PDE8B: variants seen among roughly 807,000 people sequenced by gnomAD.
PDE8B encodes the protein phosphodiesterase 8B, also known as high affinity cAMP-specific and IBMX-insensitive 3',5'-cyclic phosphodiesterase 8B.
In PDE8B, 26 loss-of-function variants were observed where a neutral mutation model predicts 101.3. The ratio of observed to expected loss-of-function variants is 0.26; its 90% CI spans 0.19 to 0.36. The LOEUF (loss-of-function observed/expected upper bound fraction) is 0.36. PDE8B is among the 10% of genes least tolerant of loss of function. The probability of loss-of-function intolerance (pLI) is 1.00; values close to 1 mark genes in which losing one functional copy is unlikely to be tolerated. For missense variants in PDE8B, 810 were observed against 1,163.1 expected (o/e 0.70, Z 4.42); for synonymous variants, 424 against 429.3 (o/e 0.99, Z 0.15).
intron 10 of PDE8B, among the ~76,000 whole-genome samples, chr5:77,365,644 C>G (rs1025414563): frequency 2.0e-5 from 3 of 152,198 alleles, no homozygotes; most frequent in Non-Finnish European, 2.9e-5. Flanking sequence ...TTCTGAGAGA[C>G]AGGGGCCTGT....
At chr5:77,299,412 T>C (rs995804639) in intron 1 of PDE8B, among the ~76,000 whole-genome samples, 29 of 127,406 alleles carry the variant, frequency 2.3e-4, no homozygotes, top group Non-Finnish European at 2.0e-4. Flanking sequence ...CCTAATGCTA[T>C]CCCTCCCCCC....
Position 77,400,230 on chromosome 5 carries a change from AC to A in PDE8B, c.1168-17del, listed in dbSNP as rs761675058. On this transcript the variant is annotated splice_polypyrimidine_tract_variant and intron_variant, in intron 10 of 21. Coordinates refer to ENST00000264917, the MANE Select transcript of PDE8B (RefSeq NM_003719.5). Reference sequence around the variant, plus strand: ...TAAAATCTTTCTCTTGTTTTATCAAACTTTTGAACGACTTTAGATTCACAAG... The same window carrying A: ...TAAAATCTTTCTCTTGTTTTATCAAATTTTGAACGACTTTAGATTCACAAG... 1 of 1,573,428 alleles carries A rather than the reference AC, an allele frequency of 6.4e-7. No individual in the cohort carries two copies. Among genetic ancestry groups the A allele is most frequent in the Non-Finnish European group, 8.7e-7 (1 of 1,142,974 alleles).
the PDE8B span, among the ~76,000 whole-genome samples, chr5:77,180,828 G>A: frequency 6.6e-6 from 1 of 152,230 alleles, no homozygotes; most frequent in East Asian, 1.9e-4. Flanking sequence ...TCGGGCTGCT[G>A]TTGCGCCTGG....
At chr5:77,170,749 T>C in the PDE8B span, among the ~76,000 whole-genome samples, 1 of 152,220 alleles carries the variant, frequency 6.6e-6, no homozygotes, top group Admixed American at 6.5e-5. Context: ...TGCCATTTGC[T>C]TTTACGAATT....
the PDE8B span, among the ~76,000 whole-genome samples, chr5:77,156,997 T>G: frequency 6.6e-6 from 1 of 152,068 alleles, no homozygotes; most frequent in Non-Finnish European, 1.5e-5. Flanking sequence ...CTCCCATGAG[T>G]CCATTTCCCA....
chr5:77,095,292 C>A, the PDE8B span, among the ~76,000 whole-genome samples: 1 of 152,132 alleles, frequency 6.6e-6, no homozygotes, highest in Non-Finnish European at 1.5e-5. Flanking sequence ...AAAATTGTTG[C>A]CAGGAACTTT....
chr5:77,257,597 G>T (rs1759451823), intron 1 of PDE8B, among the ~76,000 whole-genome samples: 1 of 152,102 alleles, frequency 6.6e-6, no homozygotes. Flanking sequence ...ACTGGAAGGA[G>T]AAATAAATAA....
chr5:77,266,627 A>G (rs1327685674), intron 1 of PDE8B, among the ~76,000 whole-genome samples: 1 of 152,212 alleles, frequency 6.6e-6, no homozygotes, highest in African/African-American at 2.4e-5. Flanking sequence ...AGTATTGATC[A>G]GTTGAAGAGA....
At chr5:77,302,023 T>G (rs1770063850) in intron 1 of PDE8B, among the ~76,000 whole-genome samples, 1 of 152,214 alleles carries the variant, frequency 6.6e-6, no homozygotes, top group Non-Finnish European at 1.5e-5. Context: ...TCCATTTTAA[T>G]GCATAATCGA....
chr5:77,344,279 A>C (rs529323581), intron 6 of PDE8B, among the ~76,000 whole-genome samples: 60 of 152,314 alleles, frequency 3.9e-4, no homozygotes, highest in Non-Finnish European at 5.3e-4. Flanking sequence ...TTACACCAAC[A>C]TCATCACGGA....
At chr5:77,378,994 G>A (rs1379964780) in intron 10 of PDE8B, among the ~76,000 whole-genome samples, 1 of 144,638 alleles carries the variant, frequency 6.9e-6, no homozygotes, top group Non-Finnish European at 1.6e-5. Flanking sequence ...AGAGAAAAAA[G>A]ATAAAACATT....
chr5:77,391,700 C>G (rs571260743), intron 10 of PDE8B, among the ~76,000 whole-genome samples: 1 of 152,300 alleles, frequency 6.6e-6, no homozygotes, highest in East Asian at 1.9e-4. Context: ...ATGTTGACAT[C>G]GCAGGAGCTC....
the PDE8B span, chr5:77,143,886 C>T: frequency 8.1e-6 from 1 of 123,624 alleles, no homozygotes. Flanking sequence ...TTTTTTTTAG[C>T]GCTCTGATCA....
the PDE8B span, among the ~76,000 whole-genome samples, chr5:77,201,541 A>G: frequency 6.6e-6 from 1 of 152,184 alleles, no homozygotes; most frequent in Non-Finnish European, 1.5e-5. Flanking sequence ...TGGGTCCCAG[A>G]AAGTGCAAAT....
At chr5:77,238,144 G>A (rs1755059809) in intron 1 of PDE8B, among the ~76,000 whole-genome samples, 2 of 152,032 alleles carry the variant, frequency 1.3e-5, no homozygotes, top group South Asian at 4.2e-4. Context: ...TGCCACAGTT[G>A]GAAATATTCC....
At chr5:77,120,830 C>T in the PDE8B span, among the ~76,000 whole-genome samples, 2 of 152,348 alleles carry the variant, frequency 1.3e-5, no homozygotes, top group Admixed American at 6.5e-5. Flanking sequence ...AAACATTTAT[C>T]TGTTGGCTTC....
At chr5:77,208,696 A>G (rs1580314159), upstream of PDE8B, among the ~76,000 whole-genome samples, 1 of 151,950 alleles carries the variant, frequency 6.6e-6, no homozygotes. Flanking sequence ...GAAAGGACTT[A>G]CTCCTCCAGC....
the PDE8B span, among the ~76,000 whole-genome samples, chr5:77,101,163 G>T: frequency 6.6e-6 from 1 of 150,382 alleles, no homozygotes; most frequent in Non-Finnish European, 1.5e-5. Flanking sequence ...TAGAGGTGGG[G>T]TCATGCCATG....
At chr5:77,124,998 T>C in the PDE8B span, among the ~76,000 whole-genome samples, 1 of 152,172 alleles carries the variant, frequency 6.6e-6, no homozygotes, top group Non-Finnish European at 1.5e-5. Context: ...TGTTTCACTT[T>C]TGAGGAAAAA....
Sources: gnomAD v4.1 joint callset for allele counts (sites outside exome capture counted in the v4.1 genomes callset) on GRCh38, gnomAD v4.1.1 for gene constraint, MANE v1.5 for transcripts, NCBI Gene and HGNC (gene_info 2026-07-23, HGNC 2026-07-21) for gene names.